Variants in CACHD1 observed in about 807,000 individuals in gnomAD.
The protein encoded by CACHD1 is VWFA and cache domain-containing protein 1.
CACHD1 carries 71 observed loss-of-function variants against 138.7 expected under a neutral mutation model. The observed-to-expected ratio is 0.51, with a 90% confidence interval of 0.42 to 0.62. CACHD1 has a LOEUF of 0.62. CACHD1 is among the 20% of genes least tolerant of loss of function. CACHD1 has a pLI of 0.00. For synonymous variants in CACHD1, 578 were observed against 591.5 expected (o/e 0.98, Z 0.33); for missense variants, 1,389 against 1,625.3 (o/e 0.85, Z 2.50).
rs1646135915 is a variant in CACHD1, at chr1:64,470,474, G to T, written c.-271G>T. Among the ~76,000 whole-genome samples, 1 of 151,444 alleles carries T rather than the reference G, an allele frequency of 6.6e-6. No individual in the cohort carries two copies. Among genetic ancestry groups the T allele is most frequent in the South Asian group, 2.1e-4 (1 of 4,830 alleles). ...CTCTCGGAGACGCCCTCTGCGCCGC[G>T]GGGCCCGTGTGGGCGCCGGGCTCCG... On this transcript the variant is annotated 5_prime_UTR_variant, in exon 1 of 27. Transcript: ENST00000651257. The surrounding 1 kb of genome is among the most constrained non-coding windows in gnomAD (Gnocchi z 5.2).
intron 4 of CACHD1, among the ~76,000 whole-genome samples, chr1:64,605,905 C>G (rs1478019312): frequency 6.6e-6 from 1 of 152,108 alleles, no homozygotes; most frequent in African/African-American, 2.4e-5. Context: ...AGCTTTTGCT[C>G]TGAATGAGTT....
At chr1:64,673,323 C>T in intron 18 of CACHD1, 25 bp from the exon 19 acceptor site, 1 of 1,611,476 alleles carries the variant, frequency 6.2e-7, no homozygotes, top group Non-Finnish European at 8.5e-7. Flanking sequence ...TGGCATATGT[C>T]TTCTGTTCTC....
chr1:64,489,899 A>G (rs183124009), intron 1 of CACHD1, among the ~76,000 whole-genome samples: 37 of 152,302 alleles, frequency 2.4e-4, no homozygotes, highest in Admixed American at 2.0e-3. Context: ...ATTAGTTCCT[A>G]TTTATTGAGC....
At chr1:64,658,114 G>A (rs1649325204) in intron 12 of CACHD1, among the ~76,000 whole-genome samples, 2 of 152,192 alleles carry the variant, frequency 1.3e-5, no homozygotes, top group South Asian at 4.1e-4. Context: ...GGCTGACTCT[G>A]CAGGGATGCC....
At chr1:64,532,191 C>T (rs961413325) in intron 1 of CACHD1, among the ~76,000 whole-genome samples, 6 of 152,142 alleles carry the variant, frequency 3.9e-5, no homozygotes, top group African/African-American at 1.2e-4. Flanking sequence ...GAGAGAGACT[C>T]TTCGAGTGGT....
intron 1 of CACHD1, among the ~76,000 whole-genome samples, chr1:64,528,276 G>A (rs1646555835): frequency 6.6e-6 from 1 of 152,166 alleles, no homozygotes; most frequent in Admixed American, 6.5e-5. Flanking sequence ...GGAGGAATAG[G>A]TTGACATTTA....
intron 1 of CACHD1, among the ~76,000 whole-genome samples, chr1:64,542,883 T>C (rs1646687883): frequency 1.3e-5 from 2 of 152,070 alleles, no homozygotes; most frequent in African/African-American, 2.4e-5. Context: ...ATAAAGGTCA[T>C]TGTAAATATT....
chr1:64,619,512 T>G (rs1647833304), intron 4 of CACHD1, among the ~76,000 whole-genome samples: 1 of 152,180 alleles, frequency 6.6e-6, no homozygotes, highest in Non-Finnish European at 1.5e-5. Context: ...GATATTACTT[T>G]GTCAGTATTT....
chr1:64,657,899 T>G (rs1649319219), intron 12 of CACHD1, among the ~76,000 whole-genome samples: 1 of 152,218 alleles, frequency 6.6e-6, no homozygotes. Flanking sequence ...AAATTTCTTT[T>G]ACTTTTAAGT....
rs527290503 is a variant in CACHD1, at chr1:64,657,577, G to T, written c.1783-1128G>T. 5.3e-4 allele frequency among the ~76,000 whole-genome samples: 80 copies of T among 152,206 alleles called. No individual in the cohort carries two copies. In the South Asian group the frequency reaches 0.016, roughly 30 times the overall value. On this transcript the variant is annotated intron_variant, in intron 12 of 26. Transcript: ENST00000651257. ...TTATAATTTGGGGAATGGAGGAAAA[G>T]GATTAAATTTGTTAATCTAATTGAA...
intron 1 of CACHD1, among the ~76,000 whole-genome samples, chr1:64,488,727 T>C (rs1201199947): frequency 6.6e-6 from 1 of 152,218 alleles, no homozygotes; most frequent in Non-Finnish European, 1.5e-5. Context: ...TATAAATGTC[T>C]TTTTCCTCAA....
intron 2 of CACHD1, chr1:64,563,721 T>C (rs1240549021): frequency 6.6e-6 from 1 of 152,212 alleles, no homozygotes; most frequent in African/African-American, 2.4e-5. Context: ...AACTTTTCTC[T>C]AGTCTTTTTT....
chr1:64,500,621 G>T lies in CACHD1; in HGVS notation c.198+29679G>T, dbSNP rs373617836. On this transcript the variant is annotated intron_variant, in intron 1 of 26. Transcript: ENST00000651257. ...TAATCCCAGCACTTGAAGAAGTCGA[G>T]GCGGGAGGATCCCTTAAAGCCAAGA... Among the ~76,000 whole-genome samples, 11 of 151,652 alleles carry T rather than the reference G, an allele frequency of 7.3e-5. No individual in the cohort carries two copies. In the East Asian group the frequency reaches 1.4e-3, roughly 19 times the overall value.
chr1:64,609,846 T>C (rs571647366), intron 4 of CACHD1, among the ~76,000 whole-genome samples: 1 of 152,274 alleles, frequency 6.6e-6, no homozygotes, highest in Non-Finnish European at 1.5e-5. Flanking sequence ...AGCTCCCACA[T>C]GTAGACATAT....
chr1:64,681,801 T>C (rs1650200955), intron 25 of CACHD1, among the ~76,000 whole-genome samples: 1 of 152,096 alleles, frequency 6.6e-6, no homozygotes, highest in African/African-American at 2.4e-5. Flanking sequence ...CTGATGCACG[T>C]TGGAGATATA....
intron 4 of CACHD1, among the ~76,000 whole-genome samples, chr1:64,607,073 T>C (rs924249847): frequency 6.6e-6 from 1 of 152,158 alleles, no homozygotes; most frequent in Non-Finnish European, 1.5e-5. Flanking sequence ...TAGAGATTCA[T>C]TGTGTATAGG....
chr1:64,583,821 G>A (rs1647030721), intron 3 of CACHD1, among the ~76,000 whole-genome samples: 1 of 151,878 alleles, frequency 6.6e-6, no homozygotes, highest in Non-Finnish European at 1.5e-5. Flanking sequence ...CAGATCTCGT[G>A]AAACTTACTC....
intron 26 of CACHD1, among the ~76,000 whole-genome samples, 188 bp from the exon 27 acceptor site, chr1:64,691,135 G>GA (rs756817188): frequency 6.6e-6 from 1 of 151,586 alleles, no homozygotes; most frequent in Non-Finnish European, 1.5e-5. Flanking sequence ...TTTTTTAAGG[G>GA]AAAAAAAGAG....
intron 1 of CACHD1, among the ~76,000 whole-genome samples, chr1:64,501,524 T>C (rs1646340139): frequency 6.6e-6 from 1 of 152,240 alleles, no homozygotes. Flanking sequence ...CAGCAGTTAA[T>C]TTCATAGTTT....
Sources: allele counts gnomAD v4.1 joint callset (sites outside exome capture counted in the v4.1 genomes callset), GRCh38; gene constraint gnomAD v4.1.1; non-coding constraint Gnocchi (gnomAD v3.1); transcripts MANE v1.5; gene names NCBI Gene and HGNC (gene_info 2026-07-23, HGNC 2026-07-21).